PBRM1: variants seen among roughly 807,000 people sequenced by gnomAD.
PBRM1 encodes the protein polybromo 1.
In PBRM1, 27 loss-of-function variants were observed where a neutral mutation model predicts 194.5. The observed-to-expected ratio is 0.14, with a 90% CI of 0.10 to 0.19. The LOEUF (loss-of-function observed/expected upper bound fraction) is 0.19. PBRM1 is among the 10% of genes least tolerant of loss of function. The probability of loss-of-function intolerance (pLI) is 1.00; values close to 1 mark genes in which losing one functional copy is unlikely to be tolerated. For missense variants in PBRM1, 1,466 were observed against 2,077.2 expected, an observed-to-expected ratio of 0.71 and a Z score of 5.72; for synonymous variants, 655 against 693.2, an observed-to-expected ratio of 0.94 and a Z score of 0.87.
chr3:52,617,921 C>T (rs540520614), intron 13 of PBRM1, among the ~76,000 whole-genome samples: 9 of 152,176 alleles, frequency 5.9e-5, no homozygotes, highest in East Asian at 1.9e-4. Flanking sequence ...CAATTCTCTA[C>T]GGTTATAATA....
In PBRM1 at chr3:52,563,280, C is replaced by T. The variant is rs772719562; in HGVS notation, c.4086+3G>A. On this transcript the variant is annotated splice_donor_region_variant and intron_variant, in intron 24 of 29. Coordinates refer to ENST00000296302, the Ensembl canonical transcript of PBRM1. ...ATAAGTAACAGGAACCTGTCACCTT[C>T]ACCTGTGGGGGTGTGTAGGGCATGA... The T allele has an allele frequency of 6.2e-7, 1 of 1,608,770 alleles. No individual in the cohort carries two copies. Among genetic ancestry groups the T allele is most frequent in the East Asian group, 2.2e-5 (1 of 44,822 alleles).
In PBRM1 at chr3:52,609,148, T is replaced by C; in HGVS notation, c.2567+165A>G. The C allele has an allele frequency of 1.6e-6, 1 of 608,378 alleles. No homozygotes were observed. The allele number at this position is 608,378 out of a possible 1,614,324, so 37.7% of individuals were successfully genotyped here. A position where few individuals can be genotyped will look rare whatever the true frequency, so the allele number is the denominator to read the frequency against. On this transcript the variant is annotated intron_variant, in intron 16 of 29. Transcript: ENST00000296302. This position sits in a 1 kb window ranked among gnomAD's most constrained non-coding sequence, Gnocchi z 4.1. ...GGTGTGCCTTCTCTCCCCCACAGAA[T>C]ATACTCACTCTTAAGAAGTTCTGGC...
chr3:52,651,270 T>G (rs1309691298), intron 6 of PBRM1, among the ~76,000 whole-genome samples: 1 of 152,168 alleles, frequency 6.6e-6, no homozygotes, highest in African/African-American at 2.4e-5. Flanking sequence ...GAGAAAAAAG[T>G]AGTATCTAAT....
chr3:52,673,172 G>A (rs1296997092), intron 2 of PBRM1, among the ~76,000 whole-genome samples: 5 of 150,414 alleles, frequency 3.3e-5, no homozygotes, highest in African/African-American at 1.2e-4. Flanking sequence ...ATTTTTAGTA[G>A]AGACAGGGTT....
intron 11 of PBRM1, among the ~76,000 whole-genome samples, chr3:52,630,940 G>C (rs2153612844): frequency 6.6e-6 from 1 of 152,152 alleles, no homozygotes; most frequent in Admixed American, 6.5e-5. Context: ...GAAGGAGAAA[G>C]GAAACCAAGA....
chr3:52,651,549 C>T (rs1256448421), intron 6 of PBRM1, among the ~76,000 whole-genome samples, 193 bp downstream of exon 7: 1 of 152,090 alleles, frequency 6.6e-6, no homozygotes, highest in African/African-American at 2.4e-5. Flanking sequence ...TGTCGGTAAC[C>T]AATGTGTTTT....
chr3:52,599,655 CAAAAAAAAAAAAAAAGA>C (rs2093845127), intron 17 of PBRM1, among the ~76,000 whole-genome samples: 2 of 123,000 alleles, frequency 1.6e-5, no homozygotes. Context: ...ACTAAAAATA[CAAAAAAAAAAAAAAAGA>C]AAAAAATTAA....
intron 7 of PBRM1, among the ~76,000 whole-genome samples, chr3:52,645,331 T>A (rs553011884): frequency 1.8e-4 from 24 of 133,232 alleles, no homozygotes; most frequent in Non-Finnish European, 3.2e-4. Context: ...TCTTTCTTTC[T>A]TTTTTTTTTT....
intron 10 of PBRM1, among the ~76,000 whole-genome samples, chr3:52,635,304 C>T (rs979238513): frequency 6.6e-6 from 1 of 152,096 alleles, no homozygotes; most frequent in Non-Finnish European, 1.5e-5. Flanking sequence ...TGATGGCTCA[C>T]GCCTGTAATC....
At chr3:52,640,340 G>A (rs539556402) in intron 10 of PBRM1, among the ~76,000 whole-genome samples, 2 of 151,888 alleles carry the variant, frequency 1.3e-5, no homozygotes, top group Admixed American at 1.3e-4. Flanking sequence ...GTGGAGTGGT[G>A]TGATCACTTC....
chr3:52,567,234 T>C (rs927468948), intron 22 of PBRM1, among the ~76,000 whole-genome samples: 8 of 152,280 alleles, frequency 5.3e-5, no homozygotes, highest in African/African-American at 1.9e-4. Flanking sequence ...GTACTAAGTT[T>C]ATTCAACTAG....
chr3:52,626,713 A>C (rs768924894), intron 13 of PBRM1, among the ~76,000 whole-genome samples: 44 of 152,320 alleles, frequency 2.9e-4, no homozygotes, highest in Non-Finnish European at 5.6e-4. Context: ...CGGTTAGGGA[A>C]GTTGAGAGAA....
chr3:52,584,123 C>T (rs1451812763), intron 20 of PBRM1, among the ~76,000 whole-genome samples: 1 of 152,088 alleles, frequency 6.6e-6, no homozygotes, highest in African/African-American at 2.4e-5. Flanking sequence ...AATAAGAATG[C>T]TAGAATAATT....
At chr3:52,625,645 G>A (rs952822294) in intron 13 of PBRM1, among the ~76,000 whole-genome samples, 5 of 151,446 alleles carry the variant, frequency 3.3e-5, no homozygotes, top group African/African-American at 9.7e-5. Flanking sequence ...TACAATCTCG[G>A]CTCACTGCAA....
At chr3:52,585,513 T>C (rs2092236969) in intron 20 of PBRM1, 1 of 152,254 alleles carries the variant, frequency 6.6e-6, no homozygotes, top group Admixed American at 6.5e-5. Flanking sequence ...AGTCTTTACA[T>C]TTCTTCCACA....
chr3:52,594,070 T>C (rs1180536228), intron 17 of PBRM1, among the ~76,000 whole-genome samples: 3 of 152,170 alleles, frequency 2.0e-5, no homozygotes, highest in Non-Finnish European at 2.9e-5. Flanking sequence ...AGAGATGAGG[T>C]GAGGTCCTGC....
At chr3:52,640,989 T>C (rs11130311) in intron 10 of PBRM1, among the ~76,000 whole-genome samples, 51,982 of 151,954 alleles carry the variant, frequency 0.34, 9,908 homozygotes, top group Admixed American at 0.46. Context: ...GAAGATAATA[T>C]TTTTTCAATT....
intron 21 of PBRM1, among the ~76,000 whole-genome samples, chr3:52,577,117 A>C (rs574320384): frequency 6.6e-6 from 1 of 152,320 alleles, no homozygotes; most frequent in East Asian, 1.9e-4. Flanking sequence ...AGTGGTTTAT[A>C]ATCTTTTTGA....
At chr3:52,642,628 A>T (rs1195520879) in intron 9 of PBRM1, among the ~76,000 whole-genome samples, 1 of 142,756 alleles carries the variant, frequency 7.0e-6, no homozygotes, top group South Asian at 2.2e-4. Context: ...AAAAAAAAAA[A>T]CCAAAAACCA....
Sources: gnomAD v4.1 joint callset for allele counts (sites outside exome capture counted in the v4.1 genomes callset) on GRCh38, gnomAD v4.1.1 for gene constraint, Gnocchi (gnomAD v3.1) non-coding constraint, MANE v1.5 for transcripts, NCBI Gene and HGNC (gene_info 2026-07-23, HGNC 2026-07-21) for gene names.